CLTC: variants seen among roughly 807,000 people sequenced by gnomAD.
CLTC encodes the protein clathrin heavy chain, also known as clathrin heavy chain 1.
Under a neutral mutation model 195.8 loss-of-function variants are expected in CLTC, and 16 were observed. The observed-to-expected ratio is 0.08, with a 90% CI of 0.06 to 0.12. The LOEUF is 0.12. CLTC is among the 10% of genes least tolerant of loss of function. The probability of loss-of-function intolerance (pLI) is 1.00; values close to 1 mark genes in which losing one functional copy is unlikely to be tolerated. For missense variants in CLTC, 796 were observed against 2,027.0 expected (o/e 0.39, Z 11.66); for synonymous variants, 667 against 689.4 (o/e 0.97, Z 0.51).
intron 1 of CLTC, among the ~76,000 whole-genome samples, chr17:59,620,758 C>T (rs1478936833): frequency 2.0e-5 from 3 of 152,086 alleles, no homozygotes; most frequent in Non-Finnish European, 4.4e-5. Flanking sequence ...TTCCCTGAGG[C>T]AGTAGGGACA....
chr17:59,665,185 A>G (rs1054495311), intron 10 of CLTC, among the ~76,000 whole-genome samples: 2 of 151,726 alleles, frequency 1.3e-5, no homozygotes, highest in African/African-American at 4.8e-5. Flanking sequence ...TGATCGTGCC[A>G]TTGGACTCCA....
In CLTC at chr17:59,685,194, G is replaced by A. The variant is rs142167082; in HGVS notation, c.4573G>A (p.Val1525Ile). The change falls in exon 29 of 32, where the codon GTA (valine) becomes ATA (isoleucine). Residue 1525 changes from valine (V) to isoleucine (I), a missense_variant. By Grantham distance (29) the Val-to-Ile change is conservative. Coordinates refer to ENST00000269122, the MANE Select transcript of CLTC (RefSeq NM_004859.4). This position sits in a 1 kb window ranked among gnomAD's most constrained non-coding sequence, Gnocchi z 5.0. ...FKGNNRWKQS[V>I]ELCKKDSLYK... ...AGGCAACAATCGCTGGAAACAGAGTGTAGAGCTGTGCAAGAAAGACAGCCT... is the reference window on the plus strand; with the variant it reads ...AGGCAACAATCGCTGGAAACAGAGTATAGAGCTGTGCAAGAAAGACAGCCT... 1 of 1,609,176 alleles carries A rather than the reference G, an allele frequency of 6.2e-7. No individual in the cohort carries two copies. The highest frequency in any genetic ancestry group is 8.5e-7 in the Non-Finnish European group (1 of 1,176,536).
At chr17:59,675,722 T>C (rs1025357071) in intron 16 of CLTC, among the ~76,000 whole-genome samples, 13 of 152,188 alleles carry the variant, frequency 8.5e-5, no homozygotes, top group African/African-American at 3.1e-4. Context: ...ATTGAATCTA[T>C]TACCTGAAAA....
At chr17:59,651,497 A>C (rs936581842) in intron 5 of CLTC, among the ~76,000 whole-genome samples, 181 bp downstream of exon 5, 3 of 152,228 alleles carry the variant, frequency 2.0e-5, no homozygotes, top group African/African-American at 7.2e-5. Flanking sequence ...CCTTAGGCCT[A>C]TTATGAGGTT....
intron 14 of CLTC, among the ~76,000 whole-genome samples, chr17:59,671,359 C>T (rs987061409): frequency 6.6e-6 from 1 of 152,122 alleles, no homozygotes; most frequent in African/African-American, 2.4e-5. Flanking sequence ...CCTCTTATCA[C>T]TGTTATTAAA....
At chr17:59,632,428 G>C in intron 1 of CLTC, among the ~76,000 whole-genome samples, 1 of 150,168 alleles carries the variant, frequency 6.7e-6, no homozygotes, top group Non-Finnish European at 1.5e-5. Context: ...TCTTTTCAAT[G>C]AAAGAAAACT....
intron 2 of CLTC, 56 bp downstream of exon 2, chr17:59,644,539 G>GC: frequency 8.8e-7 from 1 of 1,136,666 alleles, no homozygotes; most frequent in Non-Finnish European, 1.2e-6. Context: ...GTTTTTTTTT[G>GC]TTTTTTTTTT....
chr17:59,638,268 G>C (rs2031926739), intron 1 of CLTC, among the ~76,000 whole-genome samples: 1 of 151,874 alleles, frequency 6.6e-6, no homozygotes, highest in South Asian at 2.1e-4. Flanking sequence ...CTGCACTCCA[G>C]CTTGGGTGAC....
intron 18 of CLTC, among the ~76,000 whole-genome samples, chr17:59,679,795 G>A (rs2033044120): frequency 6.6e-6 from 1 of 151,884 alleles, no homozygotes; most frequent in Non-Finnish European, 1.5e-5. Context: ...TAAGCCATGT[G>A]CGGTGGCTCA....
At chr17:59,641,999 G>GT (rs398031234) in intron 1 of CLTC, among the ~76,000 whole-genome samples, 4,220 of 128,602 alleles carry the variant, frequency 0.033, 174 homozygotes, top group African/African-American at 0.11. Context: ...AATCTTTGTT[G>GT]TTTTTTTTTT....
intron 5 of CLTC, among the ~76,000 whole-genome samples, chr17:59,652,680 A>G (rs1455385514): frequency 6.6e-6 from 1 of 152,194 alleles, no homozygotes; most frequent in Non-Finnish European, 1.5e-5. Context: ...CCATGCTGTA[A>G]ACAGATGTGC....
At chr17:59,623,047 T>C (rs2031433618) in intron 1 of CLTC, among the ~76,000 whole-genome samples, 2 of 152,242 alleles carry the variant, frequency 1.3e-5, no homozygotes, top group Admixed American at 1.3e-4. Context: ...ATATAAAATA[T>C]TGCCTGTGAT....
chr17:59,626,924 G>T (rs1177054021), intron 1 of CLTC, among the ~76,000 whole-genome samples: 4 of 152,024 alleles, frequency 2.6e-5, no homozygotes, highest in East Asian at 3.9e-4. Context: ...TGGGGACAGG[G>T]TCTCACTCTG....
chr17:59,655,164 A>G (rs2032433955), intron 5 of CLTC, among the ~76,000 whole-genome samples: 1 of 152,280 alleles, frequency 6.6e-6, no homozygotes, highest in Middle Eastern at 3.4e-3. Flanking sequence ...AATTACTTCT[A>G]GCTTTCGATT....
At chr17:59,676,933 G>GT in intron 16 of CLTC, 21 bp from the exon 17 acceptor site, 3 of 1,573,796 alleles carry the variant, frequency 1.9e-6, no homozygotes, top group Non-Finnish European at 2.6e-6. Flanking sequence ...TGTGTGTGAG[G>GT]TTTTTTTCCT....
intron 4 of CLTC, among the ~76,000 whole-genome samples, chr17:59,650,216 T>C (rs1440478333): frequency 6.6e-6 from 1 of 152,200 alleles, no homozygotes; most frequent in Non-Finnish European, 1.5e-5. Flanking sequence ...ATGTGCAGCA[T>C]TGGATATTTT....
In CLTC at chr17:59,660,840, G is replaced by A. The variant is rs114774955; in HGVS notation, c.1167+252G>A. ...GTCTAGCAAGCTTTTGATTTACATA[G>A]ATGTAGTAATGTTTAGTCATTTAGG... is the stretch of plus-strand genomic sequence containing the variant. On this transcript the variant is annotated intron_variant, in intron 7 of 31. Coordinates refer to ENST00000269122, the MANE Select transcript of CLTC (RefSeq NM_004859.4). Among the ~76,000 whole-genome samples the A allele has an allele frequency of 3.8e-3, 581 of 152,308 alleles. 7 individuals carry two copies. The highest frequency in any genetic ancestry group is 0.013 in the African/African-American group (555 of 41,564).
At position 59,648,986 on chromosome 17, in the gene CLTC, G is replaced by T. The variant is rs1364858230; in HGVS notation, c.681+585G>T. On this transcript the variant is annotated intron_variant, in intron 4 of 31. Coordinates refer to ENST00000269122, the MANE Select transcript of CLTC (RefSeq NM_004859.4). The surrounding 1 kb of genome is among the most constrained non-coding windows in gnomAD (Gnocchi z 4.5). Reference sequence around the variant, plus strand: ...ATCTGCATTTTAAATACCTTATATGGCTTGATATAGAGGCAATGTAGACTA... The same window carrying T: ...ATCTGCATTTTAAATACCTTATATGTCTTGATATAGAGGCAATGTAGACTA... Among the ~76,000 whole-genome samples the T allele has an allele frequency of 6.6e-6, 1 of 152,140 alleles. No individual in the cohort carries two copies. The highest frequency in any genetic ancestry group is 1.5e-5 in the Non-Finnish European group (1 of 68,016).
intron 8 of CLTC, among the ~76,000 whole-genome samples, chr17:59,662,972 A>T (rs925663229): frequency 4.6e-5 from 7 of 152,176 alleles, no homozygotes; most frequent in Non-Finnish European, 8.8e-5. Context: ...AACTGAGTTG[A>T]CCTACGTAAC....
Sources: allele counts gnomAD v4.1 joint callset (sites outside exome capture counted in the v4.1 genomes callset), GRCh38; gene constraint gnomAD v4.1.1; non-coding constraint Gnocchi (gnomAD v3.1); transcripts MANE v1.5; gene names NCBI Gene and HGNC (gene_info 2026-07-23, HGNC 2026-07-21).